The following EGF variants were observed in gnomAD, a reference collection of about 807,000 sequenced individuals.
EGF encodes the protein pro-epidermal growth factor.
A neutral mutation model predicts 143.8 loss-of-function variants in EGF; 95 were observed. The observed-to-expected ratio is 0.66, with a 90% CI of 0.56 to 0.78. EGF has a LOEUF of 0.78. EGF is among the 30% of genes least tolerant of loss of function. The pLI is 0.00. For synonymous variants in EGF, 510 were observed against 510.5 expected (o/e 1.00, Z 0.01); for missense variants, 1,320 against 1,470.9 (o/e 0.90, Z 1.68).
At chr4:109,925,901 C>T (rs1031861569) in intron 1 of EGF, among the ~76,000 whole-genome samples, 2 of 152,140 alleles carry the variant, frequency 1.3e-5, no homozygotes, top group Admixed American at 6.5e-5. Flanking sequence ...CACAGCAAGA[C>T]GTGTGGCAAA....
At chr4:109,961,775 G>A (rs1244438530) in intron 7 of EGF, 88 bp from the exon 8 acceptor site, 1 of 1,562,374 alleles carries the variant, frequency 6.4e-7, no homozygotes, top group Non-Finnish European at 8.8e-7. Flanking sequence ...AAGGCAGGAG[G>A]ATCACCTGGC....
In EGF at chr4:109,993,347, T is replaced by G. The variant is rs961696849; in HGVS notation, c.2835T>G (p.Ser945=). The G allele has an allele frequency of 5.6e-6, 9 of 1,613,682 alleles. No individual in the cohort carries two copies. Among genetic ancestry groups the G allele is most frequent in the Non-Finnish European group, 7.6e-6 (9 of 1,179,854 alleles). The change falls in exon 19 of 24, where the codon TCT becomes TCG. Residue 945 remains serine (S), a synonymous_variant. Transcript: ENST00000265171. ...CCTGCATGTGTGCTGGACGCCTGTC[T>G]GAACCAGGACTGATTTGCCCTGGTA... is the stretch of plus-strand genomic sequence containing the variant. ...GYTCMCAGRL[S]EPGLICPDST...
chr4:109,970,360 G>T (rs1005744951), intron 11 of EGF, among the ~76,000 whole-genome samples: 5 of 152,164 alleles, frequency 3.3e-5, no homozygotes, highest in African/African-American at 1.2e-4. Flanking sequence ...AAGTGAAATG[G>T]TGGCCATCCT....
At chr4:109,964,327 G>T (rs1195244801) in intron 9 of EGF, 74 bp from the exon 10 acceptor site, 26 of 1,590,748 alleles carry the variant, frequency 1.6e-5, no homozygotes, top group Non-Finnish European at 3.4e-6. Flanking sequence ...TACAGTGAAA[G>T]GGAAGAGTCA....
At chr4:109,930,546 T>C (rs1335740403) in intron 1 of EGF, among the ~76,000 whole-genome samples, 1 of 152,224 alleles carries the variant, frequency 6.6e-6, no homozygotes, top group East Asian at 1.9e-4. Context: ...GCAAGAAACC[T>C]GTGGTGGTGA....
chr4:109,991,004 G>A (rs1750853111), intron 18 of EGF, among the ~76,000 whole-genome samples: 1 of 152,124 alleles, frequency 6.6e-6, no homozygotes, highest in South Asian at 2.1e-4. Flanking sequence ...ATTTCAGCCT[G>A]TAACAGATGG....
chr4:109,983,560 C>T lies in EGF; in HGVS notation c.2491+19C>T. ...GTGTCAGGTATGAATAACTAGTTCT[C>T]CAATATACCTTTGGTTCCAACAGTT... is the stretch of plus-strand genomic sequence containing the variant. On this transcript the variant is annotated intron_variant, in intron 16 of 23. Transcript: ENST00000265171. The T allele has an allele frequency of 6.2e-7, 1 of 1,613,180 alleles. No homozygotes were observed.
chr4:109,936,893 T>C (rs905558503), intron 1 of EGF, among the ~76,000 whole-genome samples: 1 of 152,222 alleles, frequency 6.6e-6, no homozygotes, highest in African/African-American at 2.4e-5. Flanking sequence ...GATTGGACTG[T>C]GGTCTGAGAG....
At chr4:109,983,645 A>T (rs1749711855) in intron 16 of EGF, 104 bp downstream of exon 16, 1 of 1,518,128 alleles carries the variant, frequency 6.6e-7, no homozygotes, top group Non-Finnish European at 9.0e-7. Context: ...CCTAAGTTCT[A>T]CACAAGGCTA....
chr4:109,939,626 C>A (rs936220362), intron 1 of EGF, among the ~76,000 whole-genome samples: 4 of 152,170 alleles, frequency 2.6e-5, no homozygotes, highest in Non-Finnish European at 5.9e-5. Context: ...CTGTGTCAAT[C>A]TTGCTGGGAG....
chr4:110,002,479 C>T lies in EGF; in HGVS notation c.3174-2026C>T, dbSNP rs1378029665. On this transcript the variant is annotated intron_variant, in intron 21 of 23. Coordinates refer to ENST00000265171, the MANE Select transcript of EGF (RefSeq NM_001963.6). ...CTGCTCTCCAGCCTGGGTGACAAAG[C>T]GAGATTCTGTCTCAAAAACAAAACA... Among the ~76,000 whole-genome samples, 5 of 152,166 alleles carry T rather than the reference C, an allele frequency of 3.3e-5. No individual in the cohort carries two copies. In the East Asian group the frequency reaches 7.7e-4, roughly 24 times the overall value.
At chr4:109,962,043 G>T in intron 8 of EGF, 58 bp downstream of exon 8, 11 of 1,608,328 alleles carry the variant, frequency 6.8e-6, no homozygotes, top group Non-Finnish European at 9.3e-6. Context: ...TTTGCTCAGT[G>T]ACATCTAAAA....
At chr4:109,934,743 G>T (rs1740448226) in intron 1 of EGF, among the ~76,000 whole-genome samples, 1 of 152,150 alleles carries the variant, frequency 6.6e-6, no homozygotes, top group African/African-American at 2.4e-5. Flanking sequence ...TTTGTGTAAG[G>T]TGTAAGGAAG....
At chr4:109,987,607 G>A (rs1003066137) in intron 16 of EGF, 137 bp from the exon 17 acceptor site, 5 of 767,748 alleles carry the variant, frequency 6.5e-6, no homozygotes, top group Non-Finnish European at 1.2e-5. Context: ...GGTCAACTAA[G>A]CGTTTCTATT....
intron 23 of EGF, among the ~76,000 whole-genome samples, 160 bp from the exon 24 acceptor site, chr4:110,011,042 A>G (rs939037649): frequency 3.3e-5 from 5 of 150,414 alleles, no homozygotes; most frequent in Non-Finnish European, 7.4e-5. Context: ...ATGCTTATCA[A>G]AAAAAAAAAG....
At chr4:109,919,287 GTCTCTC>G (rs58110007) in intron 1 of EGF, among the ~76,000 whole-genome samples, 8,500 of 75,460 alleles carry the variant, frequency 0.11, 251 homozygotes, top group Admixed American at 0.14. Context: ...ATGCTTCTCT[GTCTCTC>G]TCTCTCTCTC....
intron 10 of EGF, among the ~76,000 whole-genome samples, chr4:109,967,898 T>C (rs1457830393): frequency 3.3e-5 from 5 of 152,092 alleles, no homozygotes; most frequent in Non-Finnish European, 7.4e-5. Flanking sequence ...GTAAAAAATA[T>C]GGCATAAGAG....
chr4:110,003,257 T>C (rs1214764597), intron 21 of EGF, among the ~76,000 whole-genome samples: 1 of 152,238 alleles, frequency 6.6e-6, no homozygotes, highest in African/African-American at 2.4e-5. Context: ...TCCATAATGA[T>C]TGAAATAATT....
At chr4:109,921,472 T>G (rs1737774246) in intron 1 of EGF, among the ~76,000 whole-genome samples, 1 of 151,304 alleles carries the variant, frequency 6.6e-6, no homozygotes, top group Non-Finnish European at 1.5e-5. Flanking sequence ...ACACTGGAAT[T>G]TGTGTGTGTG....
Sources: allele counts gnomAD v4.1 joint callset (sites outside exome capture counted in the v4.1 genomes callset), GRCh38; gene constraint gnomAD v4.1.1; transcripts MANE v1.5; gene names NCBI Gene and HGNC (gene_info 2026-07-23, HGNC 2026-07-21).